ATP10D: variants seen among roughly 807,000 people sequenced by gnomAD.
The protein encoded by ATP10D is phospholipid-transporting ATPase VD.
In ATP10D, 89 loss-of-function variants were observed where a neutral mutation model predicts 144.8. That is an observed-to-expected ratio of 0.61 (90% CI 0.52 to 0.73). The LOEUF (loss-of-function observed/expected upper bound fraction) is 0.73. ATP10D is among the 30% of genes least tolerant of loss of function. ATP10D has a pLI of 0.00. For synonymous variants in ATP10D, 571 were observed against 615.1 expected, an observed-to-expected ratio of 0.93 and a Z score of 1.06; for missense variants, 1,603 against 1,714.8, an observed-to-expected ratio of 0.93 and a Z score of 1.15.
intron 1 of ATP10D, among the ~76,000 whole-genome samples, chr4:47,494,867 T>G (rs1715272054): frequency 6.6e-6 from 1 of 152,214 alleles, no homozygotes; most frequent in East Asian, 1.9e-4. Context: ...ATCTGAGCTT[T>G]CTTTCGCAGA....
intron 9 of ATP10D, among the ~76,000 whole-genome samples, chr4:47,542,739 A>G (rs1301780927): frequency 6.6e-6 from 1 of 152,186 alleles, no homozygotes; most frequent in Non-Finnish European, 1.5e-5. Context: ...TCGGCCTCCC[A>G]AAGTGCTGGG....
chr4:47,582,010 C>A lies in ATP10D; in HGVS notation c.3699C>A (p.Asn1233Lys). The A allele has an allele frequency of 6.2e-7, 1 of 1,614,136 alleles. No individual in the cohort carries two copies. The highest frequency in any genetic ancestry group is 8.5e-7 in the Non-Finnish European group (1 of 1,179,988). The change falls in exon 21 of 23, where the codon AAC becomes AAA. Residue 1233 changes from asparagine (N) to lysine (K), a missense_variant. Transcript: ENST00000273859. ...TCTTTGCATTTGGAAACCCCCTGAA[C>A]ACAGCCGCTCTGTTCATCGTTCTCC... The part of the protein sequence containing the change: ...TDIFAFGNPL[N>K]TAALFIVLLH...
At position 47,523,116 on chromosome 4, in the gene ATP10D, T is replaced by C. The variant is rs771431785; in HGVS notation, c.590T>C (p.Phe197Ser). 2.5e-6 allele frequency: 4 copies of C among 1,614,122 alleles called. No individual in the cohort carries two copies. The highest frequency in any genetic ancestry group is 3.4e-6 in the Non-Finnish European group (4 of 1,180,000). Reference sequence around the variant, plus strand: ...ATCCCTGCAGACATGGTACTACTCTTTTCCACTGATCCAGATGGAATCTGT... The same window carrying C: ...ATCCCTGCAGACATGGTACTACTCTCTTCCACTGATCCAGATGGAATCTGT... ...EVIPADMVLLFSTDPDGICHI... is the reference protein window; with the variant it reads ...EVIPADMVLLSSTDPDGICHI... The change falls in exon 4 of 23, where the codon TTT (phenylalanine) becomes TCT (serine). Residue 197 changes from phenylalanine to serine, a missense_variant. By Grantham distance (155) the Phe-to-Ser change is radical (BLOSUM62 -2). Coordinates refer to ENST00000273859, the MANE Select transcript of ATP10D (RefSeq NM_020453.4).
At chr4:47,548,066 T>C (rs1037466881) in intron 10 of ATP10D, among the ~76,000 whole-genome samples, 2 of 152,200 alleles carry the variant, frequency 1.3e-5, no homozygotes, top group Non-Finnish European at 2.9e-5. Context: ...TCTTTTTATC[T>C]ATCCTTGTAT....
intron 3 of ATP10D, among the ~76,000 whole-genome samples, chr4:47,516,896 A>T (rs1335141303): frequency 6.6e-6 from 1 of 152,182 alleles, no homozygotes; most frequent in Non-Finnish European, 1.5e-5. Context: ...TCTATTAATA[A>T]TTTAGTAACA....
At chr4:47,490,295 C>T (rs960852506) in intron 1 of ATP10D, among the ~76,000 whole-genome samples, 7 of 152,050 alleles carry the variant, frequency 4.6e-5, no homozygotes, top group African/African-American at 1.7e-4. Flanking sequence ...CTGTGATGTC[C>T]TTTAGCTAGA....
chr4:47,590,976 T>TGGC (rs1553902235), intron 22 of ATP10D, 66 bp from the exon 23 acceptor site: 3 of 956,172 alleles, frequency 3.1e-6, no homozygotes, highest in East Asian at 3.1e-5. Context: ...CGTTAGTATT[T>TGGC]GGGGGGGGGG....
intron 13 of ATP10D, among the ~76,000 whole-genome samples, chr4:47,559,492 C>T (rs1719177968): frequency 6.6e-6 from 1 of 152,136 alleles, no homozygotes; most frequent in Admixed American, 6.5e-5. Flanking sequence ...AGGTAAATAT[C>T]CTAGATATTA....
At chr4:47,585,781 A>G (rs1327037299) in intron 21 of ATP10D, among the ~76,000 whole-genome samples, 2 of 152,180 alleles carry the variant, frequency 1.3e-5, no homozygotes, top group Admixed American at 6.5e-5. Context: ...TTCATTTAAC[A>G]TAATGACCTC....
chr4:47,488,876 C>G (rs1714920319), intron 1 of ATP10D, among the ~76,000 whole-genome samples: 1 of 152,134 alleles, frequency 6.6e-6, no homozygotes. Context: ...GCTGCCTTGC[C>G]CCTTCCACCA....
chr4:47,575,438 G>A (rs6840205), intron 18 of ATP10D, among the ~76,000 whole-genome samples: 37,907 of 151,946 alleles, frequency 0.25, 4,766 homozygotes, highest in Admixed American at 0.32. Context: ...AGAGTGTCCC[G>A]GTTTTAGCAC....
chr4:47,540,154 C>A (rs1169288585), intron 9 of ATP10D, among the ~76,000 whole-genome samples: 1 of 152,168 alleles, frequency 6.6e-6, no homozygotes, highest in African/African-American at 2.4e-5. Flanking sequence ...GAAATTAATT[C>A]TGAGGCATAT....
intron 9 of ATP10D, among the ~76,000 whole-genome samples, chr4:47,537,570 C>T (rs959177263): frequency 6.6e-6 from 1 of 152,074 alleles, no homozygotes; most frequent in East Asian, 1.9e-4. Flanking sequence ...AATATGTAAC[C>T]AGCTATTTCT....
intron 9 of ATP10D, among the ~76,000 whole-genome samples, chr4:47,542,695 T>A (rs909549678): frequency 6.6e-6 from 1 of 152,004 alleles, no homozygotes; most frequent in Non-Finnish European, 1.5e-5. Flanking sequence ...GCCAGGCTGG[T>A]CTCAAACTCC....
intron 11 of ATP10D, among the ~76,000 whole-genome samples, chr4:47,555,999 C>G (rs1311019286): frequency 6.6e-6 from 1 of 152,222 alleles, no homozygotes; most frequent in East Asian, 1.9e-4. Context: ...GGCGATCCAC[C>G]TGCCTTGGCC....
At chr4:47,546,557 G>T (rs1718441946) in intron 9 of ATP10D, 67 bp from the exon 10 acceptor site, 1 of 1,401,986 alleles carries the variant, frequency 7.1e-7, no homozygotes, top group African/African-American at 1.4e-5. Flanking sequence ...TTAAGTAACT[G>T]CCTGATATAT....
chr4:47,591,480 C>A lies in ATP10D; in HGVS notation c.*99C>A. On this transcript the variant is annotated 3_prime_UTR_variant, in exon 23 of 23. Coordinates refer to ENST00000273859, the MANE Select transcript of ATP10D (RefSeq NM_020453.4). ...GAATGACTTGTTTTTCCATAAGGGA[C>A]ATGAGCATTTTACTAGGCTTGGAAG... The A allele has an allele frequency of 1.9e-6, 2 of 1,031,144 alleles. No homozygotes were observed. Among genetic ancestry groups the A allele is most frequent in the Non-Finnish European group, 2.8e-6 (2 of 714,110 alleles). The allele number at this position is 1,031,144 out of a possible 1,614,324, so 63.9% of individuals were successfully genotyped here.
chr4:47,489,499 C>T (rs191913826), intron 1 of ATP10D, among the ~76,000 whole-genome samples: 10 of 152,164 alleles, frequency 6.6e-5, no homozygotes, highest in African/African-American at 2.2e-4. Flanking sequence ...GTATTTTTCT[C>T]ATGGTGTTAA....
chr4:47,523,758 ATCTAC>A (rs1470132054), intron 4 of ATP10D, among the ~76,000 whole-genome samples: 1 of 152,216 alleles, frequency 6.6e-6, no homozygotes, highest in Non-Finnish European at 1.5e-5. Flanking sequence ...AAATGATGGT[ATCTAC>A]TCTATAGCAT....
Sources: allele counts gnomAD v4.1 joint callset (sites outside exome capture counted in the v4.1 genomes callset), GRCh38; gene constraint gnomAD v4.1.1; transcripts MANE v1.5; gene names NCBI Gene and HGNC (gene_info 2026-07-23, HGNC 2026-07-21).